The following DCC variants were observed in gnomAD, a reference collection of about 807,000 sequenced individuals.
DCC encodes netrin receptor DCC.
A neutral mutation model predicts 172.5 loss-of-function variants in DCC; 58 were observed. That is an observed-to-expected ratio of 0.34 (90% CI 0.27 to 0.42). The LOEUF is 0.42. DCC is among the 10% of genes least tolerant of loss of function. The pLI, the probability that DCC is intolerant of heterozygous loss-of-function variation, is 1.00. For missense variants in DCC, 1,740 were observed against 1,791.0 expected (o/e 0.97, Z 0.51); for synonymous variants, 709 against 644.5 (o/e 1.10, Z -1.52).
At chr18:53,413,247 A>G (rs1242609637) in intron 20 of DCC, among the ~76,000 whole-genome samples, 1 of 152,192 alleles carries the variant, frequency 6.6e-6, no homozygotes, top group East Asian at 1.9e-4. Flanking sequence ...AGTACAGTAA[A>G]TTCTCTGGGC....
chr18:52,554,697 T>C lies in DCC; in HGVS notation c.92-197357T>C, dbSNP rs572245773. On this transcript the variant is annotated intron_variant, in intron 1 of 28. Coordinates refer to ENST00000442544, the MANE Select transcript of DCC (RefSeq NM_005215.4). ...GAGACAATGGTCTCATTCTTCTGTGTTTTGGCCAGAATATGTCTTCCATGA... is the reference window on the plus strand; with the variant it reads ...GAGACAATGGTCTCATTCTTCTGTGCTTTGGCCAGAATATGTCTTCCATGA... 1.1e-4 allele frequency among the ~76,000 whole-genome samples: 17 copies of C among 152,190 alleles called. No homozygotes were observed. The South Asian group carries it at 3.1e-3, about 28-fold the overall frequency.
chr18:52,452,487 GC>G (rs1988336036), intron 1 of DCC, among the ~76,000 whole-genome samples: 1 of 152,072 alleles, frequency 6.6e-6, no homozygotes, highest in Non-Finnish European at 1.5e-5. Flanking sequence ...TTGATCCATG[GC>G]CTCTACCATT....
intron 7 of DCC, among the ~76,000 whole-genome samples, chr18:53,115,978 G>A (rs140512945): frequency 6.6e-6 from 1 of 151,548 alleles, no homozygotes; most frequent in Non-Finnish European, 1.5e-5. Context: ...GTTGAGGGGG[G>A]TGCTGTGGGG....
intron 1 of DCC, among the ~76,000 whole-genome samples, chr18:52,564,956 C>T (rs2033126073): frequency 1.3e-5 from 2 of 151,986 alleles, no homozygotes; most frequent in Non-Finnish European, 2.9e-5. Context: ...AAGCTGATCT[C>T]TCACACTGCT....
chr18:53,005,995 G>C (rs2041639500), intron 5 of DCC, among the ~76,000 whole-genome samples: 1 of 152,150 alleles, frequency 6.6e-6, no homozygotes, highest in Non-Finnish European at 1.5e-5. Flanking sequence ...AGAAGATTCA[G>C]GGGTTGCTGG....
intron 2 of DCC, among the ~76,000 whole-genome samples, chr18:52,831,518 C>T (rs766897472): frequency 3.9e-5 from 6 of 151,942 alleles, no homozygotes; most frequent in Non-Finnish European, 5.9e-5. Context: ...AGTGTTGAGA[C>T]GTGGTAACAG....
intron 2 of DCC, among the ~76,000 whole-genome samples, chr18:52,781,417 T>TTGA (rs10699945): frequency 0.98 from 149,452 of 152,054 alleles, 73,503 homozygotes; most frequent in East Asian, 1. Flanking sequence ...CTATCTGAGC[T>TTGA]TGATTACAAG....
At chr18:53,502,537 C>T (rs2046115488) in intron 27 of DCC, among the ~76,000 whole-genome samples, 1 of 149,434 alleles carries the variant, frequency 6.7e-6, no homozygotes, top group Non-Finnish European at 1.5e-5. Flanking sequence ...ATACTTAGAG[C>T]TTTCAACAAG....
chr18:52,954,030 G>A (rs959033456), intron 5 of DCC, among the ~76,000 whole-genome samples: 4 of 152,162 alleles, frequency 2.6e-5, no homozygotes, highest in African/African-American at 9.6e-5. Flanking sequence ...GAGCAAAATT[G>A]TGGGACACAG....
intron 7 of DCC, among the ~76,000 whole-genome samples, chr18:53,087,361 AG>A (rs1330060806): frequency 6.6e-6 from 1 of 151,632 alleles, no homozygotes; most frequent in African/African-American, 2.4e-5. Context: ...AGTGATGGTG[AG>A]CACCTTTTCA....
chr18:53,363,367 A>C (rs1276492994), intron 15 of DCC, among the ~76,000 whole-genome samples: 2 of 152,190 alleles, frequency 1.3e-5, no homozygotes, highest in African/African-American at 2.4e-5. Flanking sequence ...AGAAGTTTAA[A>C]ATTAAAGCAA....
chr18:53,007,725 C>T (rs1167525854), intron 5 of DCC, among the ~76,000 whole-genome samples: 2 of 151,932 alleles, frequency 1.3e-5, no homozygotes, highest in Admixed American at 1.3e-4. Context: ...CCAAAATTTC[C>T]ATTAAGTAGC....
intron 12 of DCC, among the ~76,000 whole-genome samples, chr18:53,284,429 C>T (rs2056911412): frequency 6.6e-6 from 1 of 152,018 alleles, no homozygotes; most frequent in African/African-American, 2.4e-5. Context: ...CTCATGAGAT[C>T]TTATGGTTTT....
chr18:53,472,848 C>T (rs1568154659), intron 25 of DCC, among the ~76,000 whole-genome samples: 1 of 152,122 alleles, frequency 6.6e-6, no homozygotes. Flanking sequence ...CCAAGAAAAA[C>T]AAAACAAACC....
chr18:52,439,708 C>A (rs547378771), intron 1 of DCC, among the ~76,000 whole-genome samples: 10 of 152,228 alleles, frequency 6.6e-5, no homozygotes, highest in Admixed American at 6.5e-4. Context: ...CATTTGTCAT[C>A]TTTGTATCAG....
intron 1 of DCC, among the ~76,000 whole-genome samples, chr18:52,491,726 G>C (rs971325916): frequency 2.0e-5 from 3 of 152,036 alleles, no homozygotes; most frequent in African/African-American, 7.2e-5. Flanking sequence ...TGAAACATTT[G>C]ATGTATGCAA....
At chr18:53,213,614 C>T (rs2055792224) in intron 11 of DCC, among the ~76,000 whole-genome samples, 1 of 131,800 alleles carries the variant, frequency 7.6e-6, no homozygotes, top group Non-Finnish European at 1.5e-5. Flanking sequence ...TGCCACTGCA[C>T]TCCAGCCTGG....
chr18:52,732,751 C>A (rs2145096720), intron 1 of DCC, among the ~76,000 whole-genome samples: 1 of 152,246 alleles, frequency 6.6e-6, no homozygotes, highest in Non-Finnish European at 1.5e-5. Flanking sequence ...TCCTCAGGCT[C>A]AGTTTTCTCC....
chr18:53,393,924 T>TCTCTCTCTCTCTCTCC (rs1340445488), intron 17 of DCC, among the ~76,000 whole-genome samples: 2 of 148,406 alleles, frequency 1.3e-5, no homozygotes, highest in Non-Finnish European at 3.0e-5. Context: ...CCTCTCTCCC[T>TCTCTCTCTCTCTCTCC]CCCTCCCTCC....
Sources: allele counts gnomAD v4.1 joint callset (sites outside exome capture counted in the v4.1 genomes callset), GRCh38; gene constraint gnomAD v4.1.1; transcripts MANE v1.5; gene names NCBI Gene and HGNC (gene_info 2026-07-23, HGNC 2026-07-21).